TEAD1: variants seen among roughly 807,000 people sequenced by gnomAD.
TEAD1 encodes the protein TEA domain transcription factor 1.
Under a neutral mutation model 54.9 loss-of-function variants are expected in TEAD1, and 9 were observed. That is an observed-to-expected ratio of 0.16 (90% confidence interval 0.10 to 0.29). The LOEUF (loss-of-function observed/expected upper bound fraction) is 0.29, where lower values mean the gene tolerates loss of function less well. Among genes scored for constraint, TEAD1 ranks in the 10% least tolerant of loss-of-function variants. TEAD1 has a pLI of 1.00. For synonymous variants in TEAD1, 200 were observed against 187.8 expected (o/e 1.07, Z -0.53); for missense variants, 387 against 535.9 (o/e 0.72, Z 2.74).
intron 3 of TEAD1, among the ~76,000 whole-genome samples, chr11:12,861,291 T>C (rs1947495535): frequency 6.6e-6 from 1 of 152,264 alleles, no homozygotes. Flanking sequence ...TGTCTGAGAC[T>C]TCTCAGTTTC....
chr11:12,682,307 G>C (rs1230293327), intron 2 of TEAD1, among the ~76,000 whole-genome samples: 1 of 152,182 alleles, frequency 6.6e-6, no homozygotes, highest in Non-Finnish European at 1.5e-5. Context: ...CGATCCAGGG[G>C]AAGCAATAAA....
intron 3 of TEAD1, among the ~76,000 whole-genome samples, chr11:12,806,196 A>C (rs1590169572): frequency 6.6e-6 from 1 of 152,222 alleles, no homozygotes; most frequent in Admixed American, 6.5e-5. Context: ...ACCCAGGTTC[A>C]AATTTAGAGG....
intron 10 of TEAD1, among the ~76,000 whole-genome samples, chr11:12,912,601 C>T (rs972948900): frequency 5.3e-5 from 8 of 152,056 alleles, no homozygotes; most frequent in Admixed American, 6.5e-5. Flanking sequence ...GCATTCACTT[C>T]AAAAGACCAT....
intron 10 of TEAD1, among the ~76,000 whole-genome samples, chr11:12,902,691 A>G (rs1948446118): frequency 6.6e-6 from 1 of 152,084 alleles, no homozygotes; most frequent in South Asian, 2.1e-4. Context: ...CAGCCTTTAC[A>G]CACATTTTTT....
chr11:12,925,141 T>C, intron 11 of TEAD1, 89 bp downstream of exon 11: 1 of 1,475,156 alleles, frequency 6.8e-7, no homozygotes, highest in South Asian at 1.2e-5. Context: ...AGTTGTATTT[T>C]TGGATGTCTG....
chr11:12,888,279 C>T (rs1172771429), intron 9 of TEAD1, among the ~76,000 whole-genome samples: 3 of 152,152 alleles, frequency 2.0e-5, no homozygotes, highest in African/African-American at 4.8e-5. Context: ...GAGGCCAAGG[C>T]GGGTGGGTCA....
At chr11:12,719,585 G>A (rs75982117) in intron 2 of TEAD1, among the ~76,000 whole-genome samples, 8,732 of 137,164 alleles carry the variant, frequency 0.064, 685 homozygotes, top group African/African-American at 0.22. Flanking sequence ...GGGGGGAGGG[G>A]GGGCGGGGGG....
chr11:12,730,792 C>A (rs1300644996), intron 2 of TEAD1, among the ~76,000 whole-genome samples: 1 of 144,416 alleles, frequency 6.9e-6, no homozygotes, highest in East Asian at 2.1e-4. Flanking sequence ...CCTCCACCTT[C>A]CAGTTTCAAG....
chr11:12,932,415 G>T (rs1949027011), intron 12 of TEAD1, among the ~76,000 whole-genome samples: 1 of 98,612 alleles, frequency 1.0e-5, no homozygotes, highest in South Asian at 2.9e-4. Context: ...TGCCTCTCTT[G>T]GGGGGGAGTC....
rs377368873 is a variant in TEAD1, at chr11:12,710,341, A to G, written c.-55+34780A>G. Among the ~76,000 whole-genome samples the G allele has an allele frequency of 6.6e-5, 10 of 152,158 alleles. No individual in the cohort carries two copies. The East Asian group carries it at 1.9e-3, about 29-fold the overall frequency. On this transcript the variant is annotated intron_variant, in intron 2 of 12. Coordinates refer to ENST00000527636, the MANE Select transcript of TEAD1 (RefSeq NM_021961.6). ...CCTGTCTCAAAATTAAAAAAAACCC[A>G]CGAATTGTATATGTGTTCTTTATGA...
chr11:12,676,792 T>TTGAA (rs1016305909), intron 2 of TEAD1, among the ~76,000 whole-genome samples: 3 of 152,226 alleles, frequency 2.0e-5, no homozygotes, highest in African/African-American at 7.2e-5. Flanking sequence ...CAACTCTATG[T>TTGAA]TGAACTCTCA....
chr11:12,691,282 T>C (rs1943452908), intron 2 of TEAD1, among the ~76,000 whole-genome samples: 1 of 152,234 alleles, frequency 6.6e-6, no homozygotes, highest in Non-Finnish European at 1.5e-5. Context: ...CCTTTTGATG[T>C]GACCCTATTA....
intron 2 of TEAD1, among the ~76,000 whole-genome samples, chr11:12,694,313 G>A (rs1023548956): frequency 4.6e-5 from 7 of 151,988 alleles, no homozygotes; most frequent in African/African-American, 1.7e-4. Context: ...GGAGAGAGAC[G>A]AGAGAACAAA....
At chr11:12,839,892 A>C in intron 3 of TEAD1, among the ~76,000 whole-genome samples, 1 of 152,094 alleles carries the variant, frequency 6.6e-6, no homozygotes. Context: ...TTGTAGCCTT[A>C]AGGAAGGGTG....
At chr11:12,744,289 G>A (rs1336590356) in intron 2 of TEAD1, among the ~76,000 whole-genome samples, 1 of 152,164 alleles carries the variant, frequency 6.6e-6, no homozygotes, top group African/African-American at 2.4e-5. Context: ...CTCTTTGACT[G>A]TAGGCTAGGA....
intron 9 of TEAD1, among the ~76,000 whole-genome samples, chr11:12,900,815 C>G (rs1948414087): frequency 6.6e-6 from 1 of 152,140 alleles, no homozygotes; most frequent in African/African-American, 2.4e-5. Flanking sequence ...GGAATGTGAG[C>G]AGACTTGGAC....
At chr11:12,758,410 T>C in intron 2 of TEAD1, among the ~76,000 whole-genome samples, 1 of 141,744 alleles carries the variant, frequency 7.1e-6, no homozygotes, top group Admixed American at 6.9e-5. Flanking sequence ...AGCTAGTTTT[T>C]TTTTTTTTTT....
At chr11:12,715,103 T>A (rs981571939) in intron 2 of TEAD1, among the ~76,000 whole-genome samples, 1 of 152,178 alleles carries the variant, frequency 6.6e-6, no homozygotes, top group Non-Finnish European at 1.5e-5. Flanking sequence ...TCTACCCTTA[T>A]GGAGCATACC....
chr11:12,887,795 C>G lies in TEAD1; in HGVS notation c.699+4670C>G, dbSNP rs189995085. Among the ~76,000 whole-genome samples, 4 of 152,240 alleles carry G rather than the reference C, an allele frequency of 2.6e-5. No individual in the cohort carries two copies. The East Asian group carries it at 7.7e-4, about 29-fold the overall frequency. On this transcript the variant is annotated intron_variant, in intron 9 of 12. Coordinates refer to ENST00000527636, the MANE Select transcript of TEAD1 (RefSeq NM_021961.6). ...ATACATTTTAACAAATTTGGGCATA[C>G]AGTACTTAAAATATAACATCCAGCA...
Sources: allele counts gnomAD v4.1 joint callset (sites outside exome capture counted in the v4.1 genomes callset), GRCh38; gene constraint gnomAD v4.1.1; transcripts MANE v1.5; gene names NCBI Gene and HGNC (gene_info 2026-07-23, HGNC 2026-07-21).